TMPRSS2: variants seen among roughly 807,000 people sequenced by gnomAD.
TMPRSS2 encodes the protein transmembrane serine protease 2.
In TMPRSS2, 59 loss-of-function variants were observed where a neutral mutation model predicts 67.4. That is an observed-to-expected ratio of 0.88 (90% CI 0.71 to 1.09). The LOEUF (loss-of-function observed/expected upper bound fraction) is 1.09, where lower values mean the gene tolerates loss of function less well. Among genes scored for constraint, TMPRSS2 ranks in the 50% least tolerant of loss-of-function variants. TMPRSS2 has a pLI of 0.00. For synonymous variants in TMPRSS2, 257 were observed against 257.0 expected (o/e 1.00, Z 0.00); for missense variants, 668 against 642.7 (o/e 1.04, Z -0.43).
intron 3 of TMPRSS2, among the ~76,000 whole-genome samples, chr21:41,491,638 T>C (rs1295581509): frequency 6.6e-6 from 1 of 152,208 alleles, no homozygotes; most frequent in Non-Finnish European, 1.5e-5. Context: ...CTTTCCTCCG[T>C]CTATGGCTTC....
In TMPRSS2 at chr21:41,466,109, G is replaced by C; in HGVS notation, c.*33C>G. 1.2e-6 allele frequency: 2 copies of C among 1,613,540 alleles called. No individual in the cohort carries two copies. Among genetic ancestry groups the C allele is most frequent in the South Asian group, 1.1e-5 (1 of 90,944 alleles). On this transcript the variant is annotated 3_prime_UTR_variant, in exon 14 of 14. Coordinates refer to ENST00000332149, the MANE Select transcript of TMPRSS2 (RefSeq NM_005656.4). ...GCAAAACCAGCCCCATTGTTTTCTT[G>C]TAAAACGACGTCAAGGACGAAGACC...
At chr21:41,505,424 G>A (rs371632687) in intron 1 of TMPRSS2, among the ~76,000 whole-genome samples, 3 of 152,186 alleles carry the variant, frequency 2.0e-5, no homozygotes, top group East Asian at 1.9e-4. Flanking sequence ...CAACACACTC[G>A]GATGATGATG....
chr21:41,467,019 C>T (rs1227217506), intron 13 of TMPRSS2, among the ~76,000 whole-genome samples: 2 of 152,182 alleles, frequency 1.3e-5, no homozygotes, highest in Admixed American at 6.5e-5. Context: ...ACCTTGGGGG[C>T]TGCCCAGGAG....
At chr21:41,501,053 C>A (rs2146502090) in intron 1 of TMPRSS2, among the ~76,000 whole-genome samples, 1 of 152,270 alleles carries the variant, frequency 6.6e-6, no homozygotes, top group South Asian at 2.1e-4. Context: ...AGCTCAGAAG[C>A]CCTCTGAAAG....
intron 2 of TMPRSS2, among the ~76,000 whole-genome samples, chr21:41,496,036 C>T (rs1422231640): frequency 6.6e-6 from 1 of 152,086 alleles, no homozygotes. Flanking sequence ...TTAGTTCCTC[C>T]AGTCTTTTCC....
At chr21:41,467,624 C>A in intron 13 of TMPRSS2, 110 bp downstream of exon 13, 2 of 1,325,604 alleles carry the variant, frequency 1.5e-6, no homozygotes. Flanking sequence ...TTGCTTCATG[C>A]TGACCAGTGG....
intron 5 of TMPRSS2, among the ~76,000 whole-genome samples, chr21:41,484,032 T>C (rs1050826896): frequency 6.6e-6 from 1 of 152,048 alleles, no homozygotes; most frequent in Non-Finnish European, 1.5e-5. Context: ...GGGGGAAGGA[T>C]GGATTGAGCC....
chr21:41,473,552 A>G, intron 8 of TMPRSS2, 56 bp from the exon 9 acceptor site: 2 of 1,534,554 alleles, frequency 1.3e-6, no homozygotes, highest in South Asian at 2.4e-5. Flanking sequence ...CCGCCCAGCC[A>G]CCCAGCGCCC....
intron 5 of TMPRSS2, among the ~76,000 whole-genome samples, chr21:41,481,044 G>A (rs865801947): frequency 3.3e-4 from 50 of 152,182 alleles, no homozygotes; most frequent in Non-Finnish European, 1.0e-4. Context: ...CGCACACAAA[G>A]GGAGGCCACA....
In TMPRSS2 at chr21:41,466,109, G is replaced by A. The variant is rs374981614; in HGVS notation, c.*33C>T. The stretch of plus-strand genomic sequence containing the variant: ...GCAAAACCAGCCCCATTGTTTTCTT[G>A]TAAAACGACGTCAAGGACGAAGACC... On this transcript the variant is annotated 3_prime_UTR_variant, in exon 14 of 14. Coordinates refer to ENST00000332149, the MANE Select transcript of TMPRSS2 (RefSeq NM_005656.4). 51 of 1,613,540 alleles carry A rather than the reference G, an allele frequency of 3.2e-5. No individual in the cohort carries two copies. Among genetic ancestry groups the A allele is most frequent in the East Asian group, 1.3e-4 (6 of 44,868 alleles).
chr21:41,478,375 G>A lies in TMPRSS2; in HGVS notation c.683+797C>T, dbSNP rs2146448214. Among the ~76,000 whole-genome samples the A allele has an allele frequency of 6.6e-6, 1 of 152,360 alleles. No individual in the cohort carries two copies. The highest frequency in any genetic ancestry group is 2.1e-4 in the South Asian group (1 of 4,828). On this transcript the variant is annotated intron_variant, in intron 7 of 13. Transcript: ENST00000332149. The surrounding 1 kb of genome is among the most constrained non-coding windows in gnomAD (Gnocchi z 4.0). Reference sequence around the variant, plus strand: ...GGCACCTGGCAGGCAGGGAGGTGATGCCTAGACACCAGGCATAAGCCCTGG... The same window carrying A: ...GGCACCTGGCAGGCAGGGAGGTGATACCTAGACACCAGGCATAAGCCCTGG...
At chr21:41,502,370 G>T (rs2091430202) in intron 1 of TMPRSS2, 2 of 985,132 alleles carry the variant, frequency 2.0e-6, no homozygotes, top group Non-Finnish European at 1.2e-6. Flanking sequence ...AGTCTCCACT[G>T]ACCTCACCGT....
At chr21:41,501,850 C>T (rs1330462430) in intron 1 of TMPRSS2, among the ~76,000 whole-genome samples, 1 of 152,154 alleles carries the variant, frequency 6.6e-6, no homozygotes, top group Admixed American at 6.5e-5. Context: ...AAGTAGATGG[C>T]GAGAGACAAT....
Position 41,478,943 on chromosome 21 carries a change from C to T in TMPRSS2, c.683+229G>A, listed in dbSNP as rs374961008. On this transcript the variant is annotated intron_variant, in intron 7 of 13. Transcript: ENST00000332149. This position sits in a 1 kb window ranked among gnomAD's most constrained non-coding sequence, Gnocchi z 4.0. ...GTGAGCCGCTACCAACAAGGGCAGA[C>T]GGTAGAGGCTGAAAATGAAATAGCA... Among the ~76,000 whole-genome samples the T allele has an allele frequency of 3.3e-5, 5 of 152,186 alleles. No individual in the cohort carries two copies. The highest frequency in any genetic ancestry group is 6.5e-5 in the Admixed American group (1 of 15,276).
Position 41,473,314 on chromosome 21 carries a change from C to T in TMPRSS2, c.899+11G>A, listed in dbSNP as rs746440473. On this transcript the variant is annotated intron_variant, in intron 9 of 13. Transcript: ENST00000332149. ...TGAGCCCCCACCCGGCCCGCGCCGC[C>T]CCTGGCATACTTTTCCACGCAGTGG... 3.8e-6 allele frequency: 6 copies of T among 1,584,728 alleles called. No individual in the cohort carries two copies. The South Asian group carries it at 6.8e-5, about 18-fold the overall frequency.
chr21:41,490,352 T>C (rs2091326700), intron 3 of TMPRSS2, among the ~76,000 whole-genome samples: 1 of 152,220 alleles, frequency 6.6e-6, no homozygotes, highest in African/African-American at 2.4e-5. Context: ...AGCGAATGGA[T>C]GCTACTGTCC....
chr21:41,496,746 C>T (rs1026302639), intron 2 of TMPRSS2, among the ~76,000 whole-genome samples: 2 of 151,748 alleles, frequency 1.3e-5, no homozygotes, highest in African/African-American at 4.8e-5. Context: ...TCTGGGAGGC[C>T]ACGTTTTCCT....
intron 1 of TMPRSS2, among the ~76,000 whole-genome samples, chr21:41,506,168 G>C (rs1238251965): frequency 6.6e-6 from 1 of 152,202 alleles, no homozygotes; most frequent in African/African-American, 2.4e-5. Context: ...CTAGCAACCT[G>C]GGAGGCCCTG....
At chr21:41,476,674 C>G in intron 7 of TMPRSS2, 54 bp from the exon 8 acceptor site, 4 of 1,470,496 alleles carry the variant, frequency 2.7e-6, no homozygotes, top group Non-Finnish European at 3.8e-6. Context: ...TCACCTGCCT[C>G]TCACATGCTT....
Sources: allele counts gnomAD v4.1 joint callset (sites outside exome capture counted in the v4.1 genomes callset), GRCh38; gene constraint gnomAD v4.1.1; non-coding constraint Gnocchi (gnomAD v3.1); transcripts MANE v1.5; gene names NCBI Gene and HGNC (gene_info 2026-07-23, HGNC 2026-07-21).